Variants in LYPD6B observed in about 807,000 individuals in gnomAD.
LYPD6B encodes ly6/PLAUR domain-containing protein 6B.
In LYPD6B, 17 loss-of-function variants were observed where a neutral mutation model predicts 22.8. The ratio of observed to expected loss-of-function variants is 0.75; its 90% CI spans 0.51 to 1.12. LYPD6B has a LOEUF of 1.12. LYPD6B is among the 50% of genes most tolerant of loss of function. LYPD6B has a pLI of 0.00. For missense variants in LYPD6B, 221 were observed against 258.3 expected (o/e 0.86, Z 0.99); for synonymous variants, 106 against 91.6 (o/e 1.16, Z -0.90).
chr2:149,056,363 A>G (rs1263365402), intron 1 of LYPD6B, among the ~76,000 whole-genome samples: 1 of 152,112 alleles, frequency 6.6e-6, no homozygotes, highest in Non-Finnish European at 1.5e-5. Flanking sequence ...GAAGTTTCAT[A>G]TTCTGGCAAG....
intron 1 of LYPD6B, among the ~76,000 whole-genome samples, chr2:149,059,217 C>G (rs568756610): frequency 1.5e-4 from 23 of 152,344 alleles, no homozygotes; most frequent in Non-Finnish European, 2.8e-4. Context: ...ATATCAAGTC[C>G]CTACCTCTCT....
rs865813604 is a variant in LYPD6B at position 149,213,090 on chromosome 2, G to A, written c.427G>A (p.Gly143Ser). The A allele has an allele frequency of 1.4e-5, 23 of 1,613,752 alleles. No individual in the cohort carries two copies. The highest frequency in any genetic ancestry group is 4.4e-5 in the South Asian group (4 of 91,082). ...CASRSECHFV[G>S]CHHSRDSEHT... ...CTCCAGAAGTGAATGTCATTTTGTC[G>A]GTTGCCACCACAGCCGAGATTCTGA... is the stretch of plus-strand genomic sequence containing the variant. Residue 143 changes from glycine (G) to serine (S), a missense_variant, in exon 6 of 7, where the codon GGT becomes AGT. By Grantham distance (56) the Gly-to-Ser change is moderately conservative (BLOSUM62 0). Coordinates refer to ENST00000409642, the MANE Select transcript of LYPD6B (RefSeq NM_177964.5).
intron 3 of LYPD6B, among the ~76,000 whole-genome samples, chr2:149,190,379 T>C (rs1040042548): frequency 1.3e-5 from 2 of 152,212 alleles, no homozygotes; most frequent in East Asian, 3.8e-4. Context: ...AGTGCTACAA[T>C]GATATCATGC....
chr2:149,099,692 T>C (rs1686098650), intron 1 of LYPD6B, among the ~76,000 whole-genome samples: 1 of 152,222 alleles, frequency 6.6e-6, no homozygotes, highest in Non-Finnish European at 1.5e-5. Context: ...TAGGGTCAAA[T>C]GCCTTCTTTT....
chr2:149,150,176 T>C (rs753026955), intron 2 of LYPD6B, among the ~76,000 whole-genome samples: 21 of 152,360 alleles, frequency 1.4e-4, no homozygotes, highest in East Asian at 7.7e-4. Flanking sequence ...TATAAGCAGC[T>C]TGGAGCCCTG....
intron 1 of LYPD6B, among the ~76,000 whole-genome samples, chr2:149,053,111 A>G (rs1683638564): frequency 6.6e-6 from 1 of 152,206 alleles, no homozygotes; most frequent in Non-Finnish European, 1.5e-5. Flanking sequence ...CTAGTGTTGG[A>G]CAGAATAGTT....
At chr2:149,147,906 CTGTGTGTGTGTG>C (rs61441741) in intron 2 of LYPD6B, among the ~76,000 whole-genome samples, 7 of 139,016 alleles carry the variant, frequency 5.0e-5, no homozygotes, top group African/African-American at 1.4e-4. Context: ...GCACATGGGC[CTGTGTGTGTGTG>C]TGTGTGTGTG....
intron 3 of LYPD6B, among the ~76,000 whole-genome samples, chr2:149,201,113 G>A (rs1004052322): frequency 2.0e-5 from 3 of 152,140 alleles, no homozygotes; most frequent in Non-Finnish European, 4.4e-5. Flanking sequence ...GTCACAGGAA[G>A]CCAAATTATT....
chr2:149,108,057 A>T (rs1686563234), intron 1 of LYPD6B, among the ~76,000 whole-genome samples: 1 of 152,110 alleles, frequency 6.6e-6, no homozygotes, highest in African/African-American at 2.4e-5. Context: ...TGTGAGAGGG[A>T]CCCTGTGGGA....
intron 2 of LYPD6B, among the ~76,000 whole-genome samples, chr2:149,146,372 G>T (rs1305629442): frequency 1.3e-5 from 2 of 152,040 alleles, no homozygotes; most frequent in East Asian, 3.9e-4. Context: ...GGGCACTGTA[G>T]GGGGGGATGC....
chr2:149,197,035 TA>T (rs1165224744), intron 3 of LYPD6B, among the ~76,000 whole-genome samples: 1 of 152,210 alleles, frequency 6.6e-6, no homozygotes, highest in Non-Finnish European at 1.5e-5. Flanking sequence ...GATTGGTTAT[TA>T]AAAGAAATGA....
chr2:149,063,468 A>G (rs1684187075), intron 1 of LYPD6B, among the ~76,000 whole-genome samples: 1 of 152,180 alleles, frequency 6.6e-6, no homozygotes, highest in Non-Finnish European at 1.5e-5. Context: ...TGCTCCACTG[A>G]GGTGGAAATG....
At chr2:149,088,361 A>C (rs2105429038) in intron 1 of LYPD6B, among the ~76,000 whole-genome samples, 1 of 152,276 alleles carries the variant, frequency 6.6e-6, no homozygotes, top group South Asian at 2.1e-4. Context: ...TTAGGCTGGC[A>C]GGGGGAGGAA....
intron 1 of LYPD6B, among the ~76,000 whole-genome samples, chr2:149,047,908 C>T (rs1683384202): frequency 6.6e-6 from 1 of 152,072 alleles, no homozygotes; most frequent in African/African-American, 2.4e-5. Context: ...GTATCAAGTC[C>T]ACTGAAGAAT....
chr2:149,184,109 T>C (rs1416513631), intron 3 of LYPD6B, among the ~76,000 whole-genome samples: 3 of 152,032 alleles, frequency 2.0e-5, no homozygotes, highest in Non-Finnish European at 4.4e-5. Context: ...GGAGAATCAC[T>C]TGAACCCAAG....
intron 1 of LYPD6B, among the ~76,000 whole-genome samples, chr2:149,080,841 CAAAAAAAAAAA>C (rs35803068): frequency 4.3e-5 from 2 of 46,226 alleles, no homozygotes; most frequent in Non-Finnish European, 7.4e-5. Context: ...GACTCTATCT[CAAAAAAAAAAA>C]AAAAAAAAAA....
chr2:149,198,964 A>T (rs545765367), intron 3 of LYPD6B, among the ~76,000 whole-genome samples: 5 of 152,320 alleles, frequency 3.3e-5, no homozygotes, highest in African/African-American at 1.2e-4. Flanking sequence ...TGCAATAGAG[A>T]GAATTTCTAA....
intron 1 of LYPD6B, among the ~76,000 whole-genome samples, chr2:149,061,786 G>A (rs183524043): frequency 1.1e-4 from 16 of 152,146 alleles, no homozygotes; most frequent in African/African-American, 3.6e-4. Flanking sequence ...TTCTTATAGG[G>A]TATACTTTTC....
intron 3 of LYPD6B, among the ~76,000 whole-genome samples, chr2:149,178,473 C>G (rs547233426): frequency 9.9e-5 from 15 of 152,102 alleles, no homozygotes; most frequent in African/African-American, 3.4e-4. Flanking sequence ...ACATTCTGTC[C>G]TTTCAGCTGA....
Sources: gnomAD v4.1 joint callset for allele counts (sites outside exome capture counted in the v4.1 genomes callset) on GRCh38, gnomAD v4.1.1 for gene constraint, MANE v1.5 for transcripts, NCBI Gene and HGNC (gene_info 2026-07-23, HGNC 2026-07-21) for gene names.